The following FAM135B variants were observed in gnomAD, a reference collection of about 807,000 sequenced individuals.
The protein encoded by FAM135B is family with sequence similarity 135 member B, also known as protein FAM135B.
FAM135B carries 43 observed loss-of-function variants against 127.7 expected under a neutral mutation model. That is an observed-to-expected ratio of 0.34 (90% CI 0.26 to 0.43). The LOEUF (loss-of-function observed/expected upper bound fraction) is 0.43, where lower values mean the gene tolerates loss of function less well. Among genes scored for constraint, FAM135B ranks in the 20% least tolerant of loss-of-function variants. The pLI, the probability that FAM135B is intolerant of heterozygous loss-of-function variation, is 1.00. For missense variants in FAM135B, 1,558 were observed against 1,725.6 expected (o/e 0.90, Z 1.72); for synonymous variants, 670 against 665.1 (o/e 1.01, Z -0.11).
At chr8:138,420,122 G>T (rs115532347) in intron 1 of FAM135B, among the ~76,000 whole-genome samples, 2 of 151,842 alleles carry the variant, frequency 1.3e-5, no homozygotes, top group African/African-American at 2.4e-5. Context: ...AAAGGGAGAA[G>T]ATACACATAA....
chr8:138,462,853 C>T (rs146457395), intron 1 of FAM135B, among the ~76,000 whole-genome samples: 70 of 152,190 alleles, frequency 4.6e-4, no homozygotes, highest in Non-Finnish European at 3.4e-4. Context: ...TGGGGAAAGT[C>T]AACGCCCAGC....
At chr8:138,216,150 G>A (rs1257453254) in intron 7 of FAM135B, among the ~76,000 whole-genome samples, 2 of 152,138 alleles carry the variant, frequency 1.3e-5, no homozygotes, top group African/African-American at 4.8e-5. Flanking sequence ...TCAACTCCAG[G>A]AATAGAAGAT....
At chr8:138,229,630 C>T (rs1287249366) in intron 7 of FAM135B, among the ~76,000 whole-genome samples, 8 of 152,138 alleles carry the variant, frequency 5.3e-5, no homozygotes, top group African/African-American at 1.9e-4. Context: ...GTGATGCTGC[C>T]ACCTTTAACA....
In FAM135B at chr8:138,242,588, G is replaced by A. The variant is rs766935650; in HGVS notation, c.669+354C>T. Reference sequence around the variant, plus strand: ...GTTCAGAGAGTGCACAAATGAAAGCGGGAGCCAGGTTTTGAAACCAGACAT... The same window carrying A: ...GTTCAGAGAGTGCACAAATGAAAGCAGGAGCCAGGTTTTGAAACCAGACAT... On this transcript the variant is annotated intron_variant, in intron 7 of 19. Transcript: ENST00000395297. The surrounding 1 kb of genome is among the most constrained non-coding windows in gnomAD (Gnocchi z 9.6). 1.6e-4 allele frequency among the ~76,000 whole-genome samples: 25 copies of A among 152,086 alleles called. No individual in the cohort carries two copies. Among genetic ancestry groups the A allele is most frequent in the Non-Finnish European group, 2.2e-4 (15 of 68,020 alleles).
Position 138,135,203 on chromosome 8 carries a change from T to A in FAM135B, c.4015+1944A>T, listed in dbSNP as rs190740867. On this transcript the variant is annotated intron_variant, in intron 19 of 19. Coordinates refer to ENST00000395297, the MANE Select transcript of FAM135B (RefSeq NM_015912.4). ...GTGGACCATAGTTGTTGAACTCTGT[T>A]CTTAAGGCTTTACCAAGGTTGAAAT... 3.1e-3 allele frequency among the ~76,000 whole-genome samples: 476 copies of A among 152,312 alleles called. 4 individuals carry two copies. The highest frequency in any genetic ancestry group is 0.011 in the African/African-American group (462 of 41,578).
rs913769659 is a variant in FAM135B at position 138,299,078 on chromosome 8, A to C, written c.157+11763T>G. The stretch of plus-strand genomic sequence containing the variant: ...CAGTCTCAAAATAAATAAATAAATA[A>C]ATAAATAAATAAATAAATAAATAAA... On this transcript the variant is annotated intron_variant, in intron 3 of 19. Coordinates refer to ENST00000395297, the MANE Select transcript of FAM135B (RefSeq NM_015912.4). Among the ~76,000 whole-genome samples, 698 of 148,198 alleles carry C rather than the reference A, an allele frequency of 4.7e-3. 3 individuals are homozygous for C. Among genetic ancestry groups the C allele is most frequent in the African/African-American group, 0.016 (649 of 40,686 alleles).
At chr8:138,464,396 C>T (rs1837286063) in intron 1 of FAM135B, among the ~76,000 whole-genome samples, 1 of 152,134 alleles carries the variant, frequency 6.6e-6, no homozygotes, top group South Asian at 2.1e-4. Context: ...CTCTCAAAAA[C>T]CTCCCCCCCA....
intron 1 of FAM135B, among the ~76,000 whole-genome samples, chr8:138,368,626 G>A (rs16908962): frequency 0.046 from 6,945 of 152,160 alleles, 289 homozygotes; most frequent in East Asian, 0.17. Flanking sequence ...AATATCAAGC[G>A]TGGCACATAG....
intron 2 of FAM135B, among the ~76,000 whole-genome samples, chr8:138,320,293 A>C (rs1450016865): frequency 1.3e-5 from 2 of 152,236 alleles, no homozygotes; most frequent in African/African-American, 4.8e-5. Context: ...CAACACACAA[A>C]TTGTGACTCA....
At chr8:138,225,942 G>T (rs1397397775) in intron 7 of FAM135B, among the ~76,000 whole-genome samples, 1 of 152,082 alleles carries the variant, frequency 6.6e-6, no homozygotes. Flanking sequence ...TATATTGAAG[G>T]TGTATGCTCA....
intron 2 of FAM135B, 21 bp from the exon 3 acceptor site, chr8:138,310,941 A>C: frequency 6.3e-7 from 1 of 1,590,962 alleles, no homozygotes; most frequent in Non-Finnish European, 8.6e-7. Flanking sequence ...AGAAGAGGAC[A>C]GGGTGCTGAA....
intron 9 of FAM135B, among the ~76,000 whole-genome samples, chr8:138,194,660 T>C (rs1402860873): frequency 6.6e-6 from 1 of 152,240 alleles, no homozygotes; most frequent in Non-Finnish European, 1.5e-5. Context: ...CACCCTGGTA[T>C]AGACTTCTTT....
chr8:138,301,390 C>T (rs999590376), intron 3 of FAM135B, among the ~76,000 whole-genome samples: 9 of 152,114 alleles, frequency 5.9e-5, no homozygotes, highest in South Asian at 2.1e-4. Flanking sequence ...CTTTAAGTAA[C>T]GCTTTAATGA....
chr8:138,266,607 GTATATATATGTATATATGTGTA>G (rs1209157683), intron 3 of FAM135B, among the ~76,000 whole-genome samples: 1 of 147,678 alleles, frequency 6.8e-6, no homozygotes, highest in African/African-American at 2.5e-5. Flanking sequence ...ATATGTATAT[GTATATATATGTATATATGTGTA>G]TATATATACG....
intron 19 of FAM135B, among the ~76,000 whole-genome samples, chr8:138,135,782 C>A (rs1226704315): frequency 6.6e-6 from 1 of 152,068 alleles, no homozygotes; most frequent in Non-Finnish European, 1.5e-5. Context: ...GCTCTATGTG[C>A]AGTAATTGAG....
intron 1 of FAM135B, among the ~76,000 whole-genome samples, chr8:138,375,860 G>A (rs1048174831): frequency 6.6e-6 from 1 of 152,118 alleles, no homozygotes; most frequent in Middle Eastern, 3.2e-3. Flanking sequence ...CCCAGTAACA[G>A]GGCAAGGAGA....
intron 14 of FAM135B, 128 bp from the exon 15 acceptor site, chr8:138,146,178 G>A (rs1418791935): frequency 1.7e-6 from 1 of 601,492 alleles, no homozygotes; most frequent in Non-Finnish European, 3.0e-6. Flanking sequence ...TGGTTAAGTA[G>A]ATAATATAAA....
chr8:138,282,677 C>A (rs1465976840), intron 3 of FAM135B, among the ~76,000 whole-genome samples: 1 of 152,090 alleles, frequency 6.6e-6, no homozygotes, highest in East Asian at 1.9e-4. Flanking sequence ...TCTGATAATA[C>A]CAAATGCTAG....
chr8:138,460,184 A>G (rs1265650006), intron 1 of FAM135B, among the ~76,000 whole-genome samples: 1 of 152,218 alleles, frequency 6.6e-6, no homozygotes, highest in Non-Finnish European at 1.5e-5. Context: ...TAGAAGGCAG[A>G]CACAATACCT....
Sources: gnomAD v4.1 joint callset for allele counts (sites outside exome capture counted in the v4.1 genomes callset) on GRCh38, gnomAD v4.1.1 for gene constraint, Gnocchi (gnomAD v3.1) non-coding constraint, MANE v1.5 for transcripts, NCBI Gene and HGNC (gene_info 2026-07-23, HGNC 2026-07-21) for gene names.